ATP2C1: variants seen among roughly 807,000 people sequenced by gnomAD.
ATP2C1 encodes calcium-transporting ATPase type 2C member 1.
A neutral mutation model predicts 120.5 loss-of-function variants in ATP2C1; 31 were observed. That is an observed-to-expected ratio of 0.26 (90% confidence interval 0.19 to 0.35). The LOEUF (loss-of-function observed/expected upper bound fraction) is 0.35, where lower values mean the gene tolerates loss of function less well. Ranked by LOEUF, ATP2C1 falls within the 10% of genes least tolerant of loss-of-function variation. ATP2C1 has a pLI of 1.00. For missense variants in ATP2C1, 731 were observed against 1,107.5 expected, an observed-to-expected ratio of 0.66 and a Z score of 4.83; for synonymous variants, 351 against 358.7, an observed-to-expected ratio of 0.98 and a Z score of 0.24.
intron 1 of ATP2C1, among the ~76,000 whole-genome samples, chr3:130,867,381 T>C (rs1003035312): frequency 1.1e-4 from 17 of 150,258 alleles, no homozygotes; most frequent in African/African-American, 4.2e-4. Context: ...ATGGTACTGC[T>C]GCCATCTCGG....
chr3:130,979,561 G>T (rs2061666619), intron 19 of ATP2C1, 142 bp downstream of exon 19: 4 of 965,034 alleles, frequency 4.1e-6, no homozygotes, highest in Non-Finnish European at 6.2e-6. Flanking sequence ...TTTGCTCATG[G>T]TCTATATAAA....
intron 26 of ATP2C1, among the ~76,000 whole-genome samples, chr3:131,009,050 T>C (rs2063218247): frequency 6.6e-6 from 1 of 152,246 alleles, no homozygotes; most frequent in Non-Finnish European, 1.5e-5. Flanking sequence ...AGTCTGCTCC[T>C]ATCTGGTTGA....
rs772170918 is a variant in ATP2C1, at chr3:130,999,506, C to A, written c.2488-12C>A. ...CAAGGAGTAATAAATGAACTCTCTG[C>A]TCTGCCAACAGACCAAGTCTGTGTT... On this transcript the variant is annotated splice_polypyrimidine_tract_variant and intron_variant, in intron 26 of 27. Coordinates refer to ENST00000510168, the MANE Select transcript of ATP2C1 (RefSeq NM_001378687.1). 49 of 1,613,208 alleles carry A rather than the reference C, an allele frequency of 3.0e-5. No homozygotes were observed. The Admixed American group carries it at 8.0e-4, about 26-fold the overall frequency.
chr3:130,894,677 C>G lies in ATP2C1; in HGVS notation c.-93C>G. 1 of 1,613,348 alleles carries G rather than the reference C, an allele frequency of 6.2e-7. No individual in the cohort carries two copies. The highest frequency in any genetic ancestry group is 1.3e-5 in the African/African-American group (1 of 75,012). ...CCTGGGATTCCGGGGGCTTCTCTTC[C>G]TTGTCCTCCTCCTCTCCTCTCTATT... On this transcript the variant is annotated 5_prime_UTR_variant, in exon 2 of 28. Coordinates refer to ENST00000510168, the MANE Select transcript of ATP2C1 (RefSeq NM_001378687.1). This position sits in a 1 kb window ranked among gnomAD's most constrained non-coding sequence, Gnocchi z 4.5.
chr3:131,014,258 T>C, intron 26 of ATP2C1: 1 of 1,614,134 alleles, frequency 6.2e-7, no homozygotes, highest in Non-Finnish European at 8.5e-7. Flanking sequence ...CGGGGGCATA[T>C]GACCTTGTGG....
chr3:130,859,873 GAAATCACAAC>G (rs1223201218), intron 1 of ATP2C1, among the ~76,000 whole-genome samples: 9 of 152,040 alleles, frequency 5.9e-5, no homozygotes, highest in Non-Finnish European at 1.2e-4. Context: ...AATTGAATTA[GAAATCACAAC>G]AAATTACAAA....
At chr3:130,891,600 T>C (rs2107872009), upstream of ATP2C1, among the ~76,000 whole-genome samples, 1 of 152,330 alleles carries the variant, frequency 6.6e-6, no homozygotes, top group East Asian at 1.9e-4. Context: ...GGAAATAATA[T>C]GTTTCATTGC....
At chr3:130,942,297 G>A (rs576781182) in intron 8 of ATP2C1, among the ~76,000 whole-genome samples, 1 of 152,202 alleles carries the variant, frequency 6.6e-6, no homozygotes, top group Non-Finnish European at 1.5e-5. Context: ...TGGATACTAG[G>A]CTTAACTTCA....
At chr3:131,010,539 C>T (rs2063282530) in intron 26 of ATP2C1, among the ~76,000 whole-genome samples, 1 of 152,110 alleles carries the variant, frequency 6.6e-6, no homozygotes, top group South Asian at 2.1e-4. Context: ...TCAAATTGGG[C>T]TTTAAAAACA....
chr3:130,982,448 A>G (rs2061808979), intron 20 of ATP2C1, among the ~76,000 whole-genome samples: 1 of 152,188 alleles, frequency 6.6e-6, no homozygotes, highest in Non-Finnish European at 1.5e-5. Flanking sequence ...GGGCCTATCA[A>G]AGCCTGGTTT....
At chr3:130,992,859 T>C in intron 20 of ATP2C1, 92 bp from the exon 21 acceptor site, 1 of 1,013,546 alleles carries the variant, frequency 9.9e-7, no homozygotes, top group Non-Finnish European at 1.6e-6. Flanking sequence ...CAGCTTAAAT[T>C]GATGAGTTTT....
chr3:130,987,794 A>G (rs762254019), intron 20 of ATP2C1, among the ~76,000 whole-genome samples: 3 of 152,186 alleles, frequency 2.0e-5, no homozygotes, highest in Non-Finnish European at 4.4e-5. Context: ...ATCCTTTTTC[A>G]TAATTCTTTT....
At chr3:130,976,715 T>C (rs185720626) in intron 18 of ATP2C1, among the ~76,000 whole-genome samples, 324 of 152,276 alleles carry the variant, frequency 2.1e-3, no homozygotes, top group African/African-American at 7.3e-3. Flanking sequence ...GTCCTCAAGC[T>C]TTCTGGACCC....
At chr3:131,016,442 T>TA in exon 27 of ATP2C1, 1 of 1,287,558 alleles carries the variant, frequency 7.8e-7, no homozygotes, top group Non-Finnish European at 1.1e-6. Flanking sequence ...GAAATTAATT[T>TA]AAAAAAACTA....
At chr3:131,009,980 C>T (rs1184224985) in intron 26 of ATP2C1, among the ~76,000 whole-genome samples, 3 of 151,972 alleles carry the variant, frequency 2.0e-5, no homozygotes, top group Admixed American at 2.0e-4. Context: ...GACAGCTTTC[C>T]AGGTGCTGCT....
chr3:131,014,478 A>G, intron 26 of ATP2C1: 1 of 1,218,798 alleles, frequency 8.2e-7, no homozygotes, highest in Non-Finnish European at 1.1e-6. Context: ...AAATGCATCT[A>G]AACAATGAGA....
chr3:131,004,311 A>G (rs905802662), downstream of ATP2C1, among the ~76,000 whole-genome samples: 1 of 152,196 alleles, frequency 6.6e-6, no homozygotes, highest in Non-Finnish European at 1.5e-5. Flanking sequence ...TTCATCCTTA[A>G]CTAGTACGTG....
chr3:130,951,622 G>A (rs1181798305), intron 8 of ATP2C1, among the ~76,000 whole-genome samples: 4 of 152,028 alleles, frequency 2.6e-5, no homozygotes, highest in Non-Finnish European at 4.4e-5. Flanking sequence ...AAATAAATAT[G>A]TTTCTTTAAT....
downstream of ATP2C1, among the ~76,000 whole-genome samples, chr3:131,003,952 C>T (rs2063002608): frequency 6.6e-6 from 1 of 152,168 alleles, no homozygotes; most frequent in Admixed American, 6.5e-5. Flanking sequence ...AATTCACTTC[C>T]ACATATGACT....
Sources: gnomAD v4.1 joint callset for allele counts (sites outside exome capture counted in the v4.1 genomes callset) on GRCh38, gnomAD v4.1.1 for gene constraint, Gnocchi (gnomAD v3.1) non-coding constraint, MANE v1.5 for transcripts, NCBI Gene and HGNC (gene_info 2026-07-23, HGNC 2026-07-21) for gene names.